DISP1: variants seen among roughly 807,000 people sequenced by gnomAD.
DISP1 encodes the protein protein dispatched homolog 1.
DISP1 carries 30 observed loss-of-function variants against 37.3 expected under a neutral mutation model. That is an observed-to-expected ratio of 0.80 (90% CI 0.60 to 1.09). The LOEUF is 1.09. Among genes scored for constraint, DISP1 ranks in the 50% least tolerant of loss-of-function variants. The pLI is 0.00. For synonymous variants in DISP1, 634 were observed against 690.2 expected (o/e 0.92, Z 1.28); for missense variants, 1,598 against 1,879.5 (o/e 0.85, Z 2.77).
chr1:222,838,799 TTTC>T (rs767851490), intron 1 of DISP1, among the ~76,000 whole-genome samples: 15 of 152,326 alleles, frequency 9.8e-5, no homozygotes, highest in South Asian at 6.2e-4. Flanking sequence ...TTCAAAGCCT[TTTC>T]TTCTTTTGTG....
chr1:222,845,382 G>A (rs1032141445), intron 1 of DISP1, among the ~76,000 whole-genome samples: 6 of 152,054 alleles, frequency 3.9e-5, no homozygotes, highest in African/African-American at 1.4e-4. Flanking sequence ...ATGTTGTTCT[G>A]ACATTTAACC....
At chr1:222,983,627 AT>A (rs1380435585) in intron 4 of DISP1, among the ~76,000 whole-genome samples, 1 of 152,078 alleles carries the variant, frequency 6.6e-6, no homozygotes, top group African/African-American at 2.4e-5. Flanking sequence ...AAAAAAAAAA[AT>A]ATTTGTGCGT....
chr1:222,964,070 G>A (rs1378772313), intron 3 of DISP1, among the ~76,000 whole-genome samples: 1 of 152,018 alleles, frequency 6.6e-6, no homozygotes. Context: ...GGAGGCTGAG[G>A]CAGGTGGATC....
intron 3 of DISP1, among the ~76,000 whole-genome samples, chr1:222,981,295 A>G (rs898179067): frequency 2.3e-5 from 2 of 88,012 alleles, no homozygotes; most frequent in African/African-American, 7.3e-5. Flanking sequence ...CTCCACTATT[A>G]AGATGCTGAG....
chr1:222,836,098 T>G (rs1666952721), intron 1 of DISP1, among the ~76,000 whole-genome samples: 1 of 152,172 alleles, frequency 6.6e-6, no homozygotes, highest in South Asian at 2.1e-4. Context: ...GTTGTTTTAT[T>G]TTCTGAGGGC....
rs1056710937 is a variant in DISP1 at position 222,955,457 on chromosome 1, C to G, written c.509+12125C>G. ...ATGATTTTTTGCCATTACAGTGGTG[C>G]AGAAGCAATATGCATTCGGTAGAAA... On this transcript the variant is annotated intron_variant, in intron 3 of 8. Coordinates refer to ENST00000675850, the MANE Select transcript of DISP1 (RefSeq NM_001377229.1). Among the ~76,000 whole-genome samples the G allele has an allele frequency of 4.6e-5, 7 of 152,146 alleles. 1 individual carries two copies. Among genetic ancestry groups the G allele is most frequent in the Admixed American group, 3.9e-4 (6 of 15,278 alleles).
chr1:222,990,817 C>T, intron 5 of DISP1, 69 bp downstream of exon 5: 1 of 1,587,214 alleles, frequency 6.3e-7, no homozygotes. Context: ...ATACATGTTG[C>T]ATTATGTTAT....
At chr1:222,903,985 G>A (rs1320772627) in intron 1 of DISP1, among the ~76,000 whole-genome samples, 1 of 152,132 alleles carries the variant, frequency 6.6e-6, no homozygotes, top group Non-Finnish European at 1.5e-5. Context: ...TGTTTGCGTG[G>A]CAGCCTTACT....
intron 2 of DISP1, among the ~76,000 whole-genome samples, chr1:222,940,348 C>T (rs184173421): frequency 4.2e-4 from 64 of 152,098 alleles, no homozygotes; most frequent in African/African-American, 1.5e-3. Context: ...TGCTTTTAAA[C>T]AACCAGATCT....
chr1:222,996,213 C>T (rs1448613719), intron 8 of DISP1, among the ~76,000 whole-genome samples: 1 of 152,216 alleles, frequency 6.6e-6, no homozygotes, highest in East Asian at 1.9e-4. Flanking sequence ...CTACAGCTAT[C>T]AGTTCCTTAT....
At chr1:222,817,137 A>G (rs1328536212) in intron 1 of DISP1, among the ~76,000 whole-genome samples, 1 of 152,212 alleles carries the variant, frequency 6.6e-6, no homozygotes, top group African/African-American at 2.4e-5. Context: ...TCTTTCTTCT[A>G]ATTGTTTAGT....
At chr1:222,856,833 A>G (rs1668579233) in intron 1 of DISP1, among the ~76,000 whole-genome samples, 1 of 151,250 alleles carries the variant, frequency 6.6e-6, no homozygotes, top group Non-Finnish European at 1.5e-5. Context: ...CCTCCCGAGT[A>G]GCAGGGATTA....
intron 1 of DISP1, among the ~76,000 whole-genome samples, chr1:222,849,707 T>C (rs1178653697): frequency 1.3e-5 from 2 of 152,138 alleles, no homozygotes; most frequent in Non-Finnish European, 2.9e-5. Flanking sequence ...CTAATGTACA[T>C]GAAGTATTTT....
At chr1:222,895,068 G>A (rs1303925629) in intron 1 of DISP1, among the ~76,000 whole-genome samples, 1 of 152,178 alleles carries the variant, frequency 6.6e-6, no homozygotes. Context: ...TTCAGGATGG[G>A]TAGAAATACA....
chr1:222,882,303 C>T (rs774483101), intron 1 of DISP1, among the ~76,000 whole-genome samples: 5 of 152,100 alleles, frequency 3.3e-5, no homozygotes, highest in Non-Finnish European at 7.4e-5. Context: ...TTTTATCGTT[C>T]AGCCTCTCAA....
At chr1:222,863,182 C>A (rs933455958) in intron 1 of DISP1, among the ~76,000 whole-genome samples, 4 of 152,006 alleles carry the variant, frequency 2.6e-5, no homozygotes, top group Admixed American at 6.6e-5. Flanking sequence ...GTTGTATCCA[C>A]AGGGTATTTC....
At chr1:222,848,026 C>A (rs1668016200) in intron 1 of DISP1, among the ~76,000 whole-genome samples, 1 of 151,104 alleles carries the variant, frequency 6.6e-6, no homozygotes, top group Non-Finnish European at 1.5e-5. Flanking sequence ...TTTCAGTACA[C>A]CTGAGATTTT....
chr1:222,835,380 T>C (rs544813590), intron 1 of DISP1, among the ~76,000 whole-genome samples: 1 of 152,352 alleles, frequency 6.6e-6, no homozygotes, highest in East Asian at 1.9e-4. Flanking sequence ...TTTTTTCTTT[T>C]TTAAAAACAT....
intron 3 of DISP1, among the ~76,000 whole-genome samples, chr1:222,977,342 C>T (rs375001960): frequency 1.3e-3 from 149 of 113,870 alleles, no homozygotes; most frequent in Non-Finnish European, 1.6e-3. Context: ...TCAGCATATT[C>T]TTTTTTTTTT....
Sources: allele counts gnomAD v4.1 joint callset (sites outside exome capture counted in the v4.1 genomes callset), GRCh38; gene constraint gnomAD v4.1.1; transcripts MANE v1.5; gene names NCBI Gene and HGNC (gene_info 2026-07-23, HGNC 2026-07-21).